Variants in NRF1 observed in about 807,000 individuals in gnomAD.
The protein encoded by NRF1 is alpha palindromic-binding protein.
Under a neutral mutation model 58.5 loss-of-function variants are expected in NRF1, and 5 were observed. The observed-to-expected ratio is 0.09, with a 90% confidence interval of 0.04 to 0.18. The LOEUF (loss-of-function observed/expected upper bound fraction) is 0.18, where lower values mean the gene tolerates loss of function less well. Ranked by LOEUF, NRF1 falls within the 10% of genes least tolerant of loss-of-function variation. The pLI, the probability that NRF1 is intolerant of heterozygous loss-of-function variation, is 1.00. For synonymous variants in NRF1, 224 were observed against 246.7 expected (o/e 0.91, Z 0.86); for missense variants, 288 against 657.7 (o/e 0.44, Z 6.15).
intron 1 of NRF1, among the ~76,000 whole-genome samples, chr7:129,648,123 A>C (rs1359731829): frequency 6.6e-6 from 1 of 152,086 alleles, no homozygotes; most frequent in Non-Finnish European, 1.5e-5. Context: ...CTCTTTCCCC[A>C]TCCCGAGTCC....
intron 2 of NRF1, among the ~76,000 whole-genome samples, chr7:129,669,487 A>G (rs1801997780): frequency 6.6e-6 from 1 of 152,210 alleles, no homozygotes; most frequent in Non-Finnish European, 1.5e-5. Flanking sequence ...ATGGATAGAT[A>G]TGTATAATAA....
chr7:129,662,860 C>T (rs528663966), intron 2 of NRF1, among the ~76,000 whole-genome samples: 8 of 152,220 alleles, frequency 5.3e-5, no homozygotes, highest in Admixed American at 2.0e-4. Context: ...CAGATAAACA[C>T]GAGAACAAAG....
At chr7:129,719,962 T>G (rs1308998415) in intron 9 of NRF1, among the ~76,000 whole-genome samples, 2 of 152,092 alleles carry the variant, frequency 1.3e-5, no homozygotes, top group East Asian at 1.9e-4. Flanking sequence ...GTGGAAAATA[T>G]GAGGCACATT....
intron 10 of NRF1, among the ~76,000 whole-genome samples, chr7:129,737,786 A>C (rs1316086040): frequency 2.0e-5 from 3 of 152,240 alleles, no homozygotes; most frequent in Non-Finnish European, 2.9e-5. Flanking sequence ...TTAGTGTAAG[A>C]GTGCGTTTTC....
chr7:129,727,099 C>A, intron 9 of NRF1, 142 bp from the exon 10 acceptor site: 1 of 707,168 alleles, frequency 1.4e-6, no homozygotes. Flanking sequence ...TATCTATTAG[C>A]ACTGTTATCA....
In NRF1 at chr7:129,677,682, C is replaced by G; in HGVS notation, c.389C>G (p.Ala130Gly). 1 of 1,613,750 alleles carries G rather than the reference C, an allele frequency of 6.2e-7. No individual in the cohort carries two copies. ...DEYTTRVGQQ[A>G]IVLCISPSKP... ...TATACTACTCGTGTGGGACAGCAAGCTATTGTCCTCTGTATCTCACCCTCC... is the reference window on the plus strand; with the variant it reads ...TATACTACTCGTGTGGGACAGCAAGGTATTGTCCTCTGTATCTCACCCTCC... Residue 130 changes from alanine (A) to glycine (G), a missense_variant, in exon 4 of 11, where the codon GCT becomes GGT. Physicochemically the swap from Ala to Gly is moderately conservative, Grantham distance 60. This residue lies in a region of NRF1 where 212 missense variants were observed against 559.7 expected (regional missense o/e 0.38). Coordinates refer to ENST00000393232, the MANE Select transcript of NRF1 (RefSeq NM_005011.5).
chr7:129,741,238 C>T lies in NRF1; in HGVS notation c.1349-13780C>T, dbSNP rs557656470. 6.6e-6 allele frequency among the ~76,000 whole-genome samples: 1 copy of T among 152,304 alleles called. No individual in the cohort carries two copies. The highest frequency in any genetic ancestry group is 2.4e-5 in the African/African-American group (1 of 41,564). ...AGCAGACAACTCAGGTCAGGGCTTC[C>T]GGACAGATTCCCAAGGTCCCTGCCA... On this transcript the variant is annotated intron_variant, in intron 10 of 10. Transcript: ENST00000393232. This position sits in a 1 kb window ranked among gnomAD's most constrained non-coding sequence, Gnocchi z 4.0.
chr7:129,685,556 A>AGTGTGTGTGT lies in NRF1; in HGVS notation c.466-4811_466-4802dup, dbSNP rs67721424. On this transcript the variant is annotated intron_variant, in intron 4 of 10. Coordinates refer to ENST00000393232, the MANE Select transcript of NRF1 (RefSeq NM_005011.5). The stretch of plus-strand genomic sequence containing the variant: ...AACATGTAAGACCCTGTCTCATTCA[A>AGTGTGTGTGT]GTGTGTGTGTGTGTGTGTGTGTGTG... Among the ~76,000 whole-genome samples, 645 of 143,088 alleles carry AGTGTGTGTGT rather than the reference A, an allele frequency of 4.5e-3. 5 individuals are homozygous for AGTGTGTGTGT. Among genetic ancestry groups the AGTGTGTGTGT allele is most frequent in the African/African-American group, 7.9e-3 (295 of 37,430 alleles). The allele number at this position is 143,088 out of a possible 152,430, so 93.9% of individuals were successfully genotyped here.
chr7:129,620,042 G>T (rs1165775228), intron 1 of NRF1, among the ~76,000 whole-genome samples: 2 of 152,252 alleles, frequency 1.3e-5, no homozygotes, highest in East Asian at 3.9e-4. Flanking sequence ...TTGACACACA[G>T]AAAAGTCAAG....
chr7:129,654,158 T>G (rs866092272), intron 1 of NRF1, among the ~76,000 whole-genome samples: 8 of 152,242 alleles, frequency 5.3e-5, no homozygotes, highest in Middle Eastern at 3.2e-3. Context: ...TTTTGAGGTT[T>G]AGATATTTAA....
chr7:129,695,172 T>TA (rs1371763659), intron 5 of NRF1, among the ~76,000 whole-genome samples: 3 of 152,074 alleles, frequency 2.0e-5, no homozygotes, highest in South Asian at 4.2e-4. Flanking sequence ...TTGGGAGATT[T>TA]AAAAAAAATT....
At chr7:129,628,427 T>G (rs1472176792) in intron 1 of NRF1, among the ~76,000 whole-genome samples, 2 of 152,132 alleles carry the variant, frequency 1.3e-5, no homozygotes, top group African/African-American at 4.8e-5. Context: ...CTGAGAAAAT[T>G]TAAAAGTGCT....
intron 5 of NRF1, among the ~76,000 whole-genome samples, chr7:129,691,366 T>TA (rs1554409662): frequency 0.071 from 9,564 of 134,146 alleles, 381 homozygotes; most frequent in African/African-American, 0.13. Flanking sequence ...TTATTATTAT[T>TA]TTTTTTTTTT....
intron 3 of NRF1, among the ~76,000 whole-genome samples, chr7:129,673,716 CAAAAA>C (rs542854064): frequency 1.0e-5 from 1 of 99,132 alleles, no homozygotes; most frequent in African/African-American, 4.2e-5. Context: ...GACTCCGTCT[CAAAAA>C]AAAAAAAAAA....
At chr7:129,672,219 T>TTC in intron 3 of NRF1, among the ~76,000 whole-genome samples, 1 of 150,396 alleles carries the variant, frequency 6.6e-6, no homozygotes, top group African/African-American at 2.5e-5. Context: ...TTTTTTTTTT[T>TTC]TGATAGATGT....
Position 129,731,405 on chromosome 7 carries a change from C to T in NRF1, c.1348+4040C>T, listed in dbSNP as rs568405201. The stretch of plus-strand genomic sequence containing the variant: ...GACTTCTTTCTGGACATGTACCCCA[C>T]ACTACCCCGACACTAAAGGAACTAC... On this transcript the variant is annotated intron_variant, in intron 10 of 10. Coordinates refer to ENST00000393232, the MANE Select transcript of NRF1 (RefSeq NM_005011.5). Among the ~76,000 whole-genome samples the T allele has an allele frequency of 2.6e-5, 4 of 152,294 alleles. No homozygotes were observed. The South Asian group carries it at 8.3e-4, about 32-fold the overall frequency.
At chr7:129,681,191 G>C (rs568837423) in intron 4 of NRF1, among the ~76,000 whole-genome samples, 1 of 152,334 alleles carries the variant, frequency 6.6e-6, no homozygotes. Flanking sequence ...CAGTGATACA[G>C]GCTAGACAGA....
chr7:129,721,468 T>A (rs1803320752), intron 9 of NRF1, among the ~76,000 whole-genome samples: 1 of 151,752 alleles, frequency 6.6e-6, no homozygotes, highest in East Asian at 1.9e-4. Flanking sequence ...GAAAGAAAAA[T>A]TTGCTCTTAG....
chr7:129,627,775 A>T (rs1466010498), intron 1 of NRF1, among the ~76,000 whole-genome samples: 3 of 152,172 alleles, frequency 2.0e-5, no homozygotes, highest in Non-Finnish European at 4.4e-5. Context: ...AGTAAAGAAA[A>T]ACCCATCAAT....
Sources: allele counts gnomAD v4.1 joint callset (sites outside exome capture counted in the v4.1 genomes callset), GRCh38; gene constraint gnomAD v4.1.1; regional missense constraint gnomAD v4.1.1; non-coding constraint Gnocchi (gnomAD v3.1); transcripts MANE v1.5; gene names NCBI Gene and HGNC (gene_info 2026-07-23, HGNC 2026-07-21).